The following MESD variants were observed in gnomAD, a reference collection of about 807,000 sequenced individuals.
MESD encodes LRP chaperone MESD.
MESD carries 7 observed loss-of-function variants against 12.9 expected under a neutral mutation model. That is an observed-to-expected ratio of 0.54 (90% CI 0.31 to 1.02). The LOEUF is 1.02. Ranked by LOEUF, MESD falls within the 50% of genes least tolerant of loss-of-function variation. The pLI, the probability that MESD is intolerant of heterozygous loss-of-function variation, is 0.05. For missense variants in MESD, 342 were observed against 296.7 expected (o/e 1.15, Z -1.12); for synonymous variants, 126 against 115.6 (o/e 1.09, Z -0.58).
At chr15:80,986,184 G>T (rs576110307) in intron 1 of MESD, among the ~76,000 whole-genome samples, 1 of 152,118 alleles carries the variant, frequency 6.6e-6, no homozygotes, top group Non-Finnish European at 1.5e-5. Flanking sequence ...CAAATACCGC[G>T]CATTCTCCTT....
intron 2 of MESD, among the ~76,000 whole-genome samples, chr15:80,980,359 A>C (rs868766728): frequency 5.3e-5 from 8 of 152,230 alleles, no homozygotes; most frequent in Admixed American, 2.6e-4. Context: ...GAGGAAAAAG[A>C]AGCAGATTTC....
At chr15:80,957,024 T>C (rs1482298515) in intron 3 of MESD, among the ~76,000 whole-genome samples, 1 of 152,032 alleles carries the variant, frequency 6.6e-6, no homozygotes, top group Non-Finnish European at 1.5e-5. Context: ...GGGGTCTCAC[T>C]GTGTAGCCCA....
intron 4 of MESD, chr15:80,948,976 G>T (rs762842239): frequency 1.3e-5 from 21 of 1,612,230 alleles, no homozygotes; most frequent in Non-Finnish European, 1.6e-5. Context: ...GGTGACTCTT[G>T]GCAGCAGACC....
intron 3 of MESD, chr15:80,952,848 G>A: frequency 5.1e-6 from 2 of 395,672 alleles, no homozygotes; most frequent in South Asian, 1.8e-5. Flanking sequence ...TGCACACTCA[G>A]TCAACAAATA....
At chr15:80,982,251 ACTT>A in intron 1 of MESD, 69 bp from the exon 2 acceptor site, 6 of 1,278,280 alleles carry the variant, frequency 4.7e-6, no homozygotes, top group Non-Finnish European at 5.6e-6. Context: ...ACAGGCAAAA[ACTT>A]CTGCATGATG....
chr15:80,984,791 A>G (rs981011020), intron 1 of MESD, among the ~76,000 whole-genome samples: 5 of 152,242 alleles, frequency 3.3e-5, no homozygotes, highest in African/African-American at 1.2e-4. Context: ...AAAACAAAAA[A>G]AAGCCCCTAA....
In MESD at chr15:80,951,901, T is replaced by TGTC. The variant is rs1901846336; in HGVS notation, c.*626+55_*626+57dup. 1.9e-5 allele frequency: 4 copies of TGTC among 209,920 alleles called. No individual in the cohort carries two copies. In the South Asian group the frequency reaches 2.9e-4, roughly 15 times the overall value. 13.0% of individuals were successfully genotyped at this position (209,920 alleles called of 1,614,324 possible). ...ATAAGGCTGATGAAATCACCCCATG[T>TGTC]GTCTGCCTTACTTCCATGGCCTTAT... is the stretch of plus-strand genomic sequence containing the variant. On this transcript the variant is annotated intron_variant, in intron 4 of 4. Transcript: ENST00000561312.
At chr15:80,971,875 G>A (rs1024761245), downstream of MESD, among the ~76,000 whole-genome samples, 2 of 151,764 alleles carry the variant, frequency 1.3e-5, no homozygotes, top group Non-Finnish European at 2.9e-5. Flanking sequence ...GATTAAGCCC[G>A]GGAGGTGAAG....
rs1041251853 is a variant in MESD at position 80,956,438 on chromosome 15, T to G, written c.*289-4142A>C. 2.6e-5 allele frequency among the ~76,000 whole-genome samples: 4 copies of G among 152,182 alleles called. No individual in the cohort carries two copies. In the South Asian group the frequency reaches 6.2e-4, roughly 24 times the overall value. On this transcript the variant is annotated intron_variant, in intron 3 of 4. Coordinates refer to the MESD transcript ENST00000561312. ...ACAGAAAAGTTGGGCTTAGGTGTTA[T>G]TCATGGTGAGAGCAAAAGAAAACAG... is the stretch of plus-strand genomic sequence containing the variant.
At chr15:80,949,772 G>A (rs1217522162) in intron 4 of MESD, 3 of 152,358 alleles carry the variant, frequency 2.0e-5, no homozygotes, top group Non-Finnish European at 4.4e-5. Flanking sequence ...GAGGTAAAAT[G>A]GAGGCCAGTG....
Position 80,978,810 on chromosome 15 carries a change from C to CAAACTT in MESD, c.*408_*409insAAGTTT. 1 of 174,044 alleles carries CAAACTT rather than the reference C, an allele frequency of 5.7e-6. No homozygotes were observed. Among genetic ancestry groups the CAAACTT allele is most frequent in the South Asian group, 1.7e-4 (1 of 5,774 alleles). 10.8% of individuals were successfully genotyped at this position (174,044 alleles called of 1,614,324 possible). On this transcript the variant is annotated 3_prime_UTR_variant, in exon 3 of 3. Coordinates refer to ENST00000261758, the MANE Select transcript of MESD (RefSeq NM_015154.3). ...ATGTATATGGCATGAAGAGTTTACT[C>CAAACTT]AATTAAGTCAAGAGTTTTAAAGTCT...
intron 2 of MESD, among the ~76,000 whole-genome samples, chr15:80,980,255 G>A (rs954968609): frequency 2.6e-5 from 4 of 151,970 alleles, no homozygotes; most frequent in South Asian, 2.1e-4. Flanking sequence ...TTTGCTGGCC[G>A]GACACTCTCT....
intron 3 of MESD, among the ~76,000 whole-genome samples, chr15:80,963,371 C>G (rs578120690): frequency 1.6e-4 from 25 of 152,296 alleles, no homozygotes; most frequent in African/African-American, 5.8e-4. Flanking sequence ...CAGGACCAGA[C>G]AGATTCACAG....
intron 1 of MESD, among the ~76,000 whole-genome samples, chr15:80,985,186 T>A (rs557227160): frequency 3.9e-5 from 6 of 152,366 alleles, no homozygotes; most frequent in Admixed American, 3.9e-4. Context: ...GACAGGAGCA[T>A]GGGCTGTGCT....
intron 3 of MESD, among the ~76,000 whole-genome samples, chr15:80,966,852 T>C (rs115295813): frequency 1.3e-5 from 2 of 152,280 alleles, no homozygotes; most frequent in Admixed American, 6.5e-5. Context: ...TGATTCTGCA[T>C]CTCAAAAGCC....
chr15:80,956,430 A>C (rs1470427184), intron 3 of MESD, among the ~76,000 whole-genome samples: 3 of 152,206 alleles, frequency 2.0e-5, no homozygotes, highest in African/African-American at 7.2e-5. Context: ...AGTTGGGCTT[A>C]GGTGTTATTC....
Position 80,989,601 on chromosome 15 carries a change from G to T in MESD, c.191C>A (p.Ala64Glu). The part of the protein sequence containing the change: ...DIRDYNDADM[A>E]RLLEQWEKDD... ...GACCTCCCATTGCTCCAGAAGACGCGCCATGTCTGCATCATTGTAATCGCG... is the reference window on the plus strand; with the variant it reads ...GACCTCCCATTGCTCCAGAAGACGCTCCATGTCTGCATCATTGTAATCGCG... The change falls in exon 1 of 3, where the codon GCG (alanine) becomes GAG (glutamate). Residue 64 changes from alanine to glutamate, a missense_variant. Ala to Glu is a moderately radical substitution (Grantham distance 107). Transcript: ENST00000261758. The T allele has an allele frequency of 1.2e-6, 2 of 1,613,724 alleles. No homozygotes were observed. Among genetic ancestry groups the T allele is most frequent in the Non-Finnish European group, 8.5e-7 (1 of 1,179,880 alleles).
intron 3 of MESD, among the ~76,000 whole-genome samples, chr15:80,954,883 G>A (rs376796029): frequency 2.0e-5 from 3 of 152,298 alleles, no homozygotes; most frequent in East Asian, 3.9e-4. Context: ...AAGTGTTAGT[G>A]TATTTTACGT....
intron 1 of MESD, among the ~76,000 whole-genome samples, chr15:80,985,400 CTG>C (rs1220662950): frequency 2.0e-5 from 3 of 152,092 alleles, no homozygotes; most frequent in Non-Finnish European, 4.4e-5. Context: ...CTTTAGGCCT[CTG>C]TGATCTGGCC....
Sources: gnomAD v4.1 joint callset for allele counts (sites outside exome capture counted in the v4.1 genomes callset) on GRCh38, gnomAD v4.1.1 for gene constraint, MANE v1.5 for transcripts, NCBI Gene and HGNC (gene_info 2026-07-23, HGNC 2026-07-21) for gene names.